The following TMEM184A variants were observed in gnomAD, a reference collection of about 807,000 sequenced individuals.
TMEM184A encodes sexually dimorphic, expressed in male gonads 1.
In TMEM184A, 40 loss-of-function variants were observed where a neutral mutation model predicts 39.5. The observed-to-expected ratio is 1.01, with a 90% CI of 0.79 to 1.32. The LOEUF (loss-of-function observed/expected upper bound fraction) is 1.32. TMEM184A is among the 40% of genes most tolerant of loss of function. TMEM184A has a pLI of 0.00. For synonymous variants in TMEM184A, 280 were observed against 252.3 expected (o/e 1.11, Z -1.04); for missense variants, 603 against 568.8 (o/e 1.06, Z -0.61).
At position 1,544,147 on chromosome 7, in the gene TMEM184A, C is replaced by G. The variant is rs1359046531; in HGVS notation, c.*2805G>C. 2 of 152,300 alleles carry G rather than the reference C, an allele frequency of 1.3e-5. No individual in the cohort carries two copies. The highest frequency in any genetic ancestry group is 1.5e-5 in the Non-Finnish European group (1 of 68,106). 9.4% of individuals were successfully genotyped at this position (152,300 alleles called of 1,614,324 possible). On this transcript the variant is annotated 3_prime_UTR_variant, in exon 9 of 9. Coordinates refer to ENST00000297477, the MANE Select transcript of TMEM184A (RefSeq NM_001097620.2). Reference sequence around the variant, plus strand: ...CTAAGTCAGACCTCCCTGCAGCCCACCCTGCGGCTCTGGGCCCAGCCTGCT... The same window carrying G: ...CTAAGTCAGACCTCCCTGCAGCCCAGCCTGCGGCTCTGGGCCCAGCCTGCT...
intron 6 of TMEM184A, chr7:1,549,163 A>C (rs890092747): frequency 2.2e-6 from 1 of 459,550 alleles, no homozygotes; most frequent in Non-Finnish European, 4.4e-6. Flanking sequence ...CGTGCATGTG[A>C]GTGTACATAC....
intron 7 of TMEM184A, 141 bp from the exon 8 acceptor site, chr7:1,548,080 T>C: frequency 1.0e-6 from 1 of 995,362 alleles, no homozygotes; most frequent in East Asian, 2.6e-5. Flanking sequence ...AGACTGAGGT[T>C]CAGGGGGGCA....
At chr7:1,548,486 C>T (rs763648309) in intron 7 of TMEM184A, 33 bp downstream of exon 7, 17 of 1,590,860 alleles carry the variant, frequency 1.1e-5, no homozygotes, top group African/African-American at 5.4e-5. Flanking sequence ...GCCCCCACCT[C>T]GGTAGCACCC....
rs368094344 is a variant in TMEM184A, at chr7:1,555,549, G to C, written c.1-65C>G. On this transcript the variant is annotated intron_variant, in intron 1 of 8. Coordinates refer to ENST00000297477, the MANE Select transcript of TMEM184A (RefSeq NM_001097620.2). This position sits in a 1 kb window ranked among gnomAD's most constrained non-coding sequence, Gnocchi z 5.2. ...GCAAAGGTACTGGCTCCCGGCAGCA[G>C]GAAGCAGCGGGGGAGGGAGGAGACA... 1.5e-5 allele frequency: 19 copies of C among 1,255,576 alleles called. 1 individual carries two copies. Among genetic ancestry groups the C allele is most frequent in the East Asian group, 1.4e-4 (6 of 43,142 alleles). 77.8% of individuals were successfully genotyped at this position (1,255,576 alleles called of 1,614,324 possible).
At chr7:1,552,948 G>A (rs182216742) in intron 2 of TMEM184A, among the ~76,000 whole-genome samples, 275 of 152,062 alleles carry the variant, frequency 1.8e-3, no homozygotes, top group African/African-American at 6.0e-3. Flanking sequence ...CCAGCTACTC[G>A]GGAGGCTGAG....
rs1784232378 is a variant in TMEM184A at position 1,542,913 on chromosome 7, T to C, written c.*4039A>G. ...CATGATATAAATTATTGAAAACAGA[T>C]CACATGTGGGCCCGTGTCTGGCCGC... On this transcript the variant is annotated 3_prime_UTR_variant, in exon 9 of 9. Coordinates refer to ENST00000297477, the MANE Select transcript of TMEM184A (RefSeq NM_001097620.2). 1.3e-5 allele frequency: 2 copies of C among 152,678 alleles called. No individual in the cohort carries two copies. Among genetic ancestry groups the C allele is most frequent in the Admixed American group, 1.3e-4 (2 of 15,286 alleles). 9.5% of individuals were successfully genotyped at this position (152,678 alleles called of 1,614,324 possible).
At chr7:1,553,079 G>T (rs1308903700) in intron 2 of TMEM184A, among the ~76,000 whole-genome samples, 2 of 152,092 alleles carry the variant, frequency 1.3e-5, no homozygotes, top group Non-Finnish European at 2.9e-5. Flanking sequence ...CTGGGAAAAA[G>T]TATGGGTGAT....
intron 3 of TMEM184A, 69 bp from the exon 4 acceptor site, chr7:1,550,464 C>A: frequency 1.5e-6 from 2 of 1,354,836 alleles, no homozygotes; most frequent in South Asian, 1.3e-5. Context: ...GCGCCCATCT[C>A]ACCAGGGCAG....
At position 1,555,439 on chromosome 7, in the gene TMEM184A, C is replaced by T; in HGVS notation, c.46G>A (p.Val16Met). ...GILETAGVPL[V>M]SANWPQPSPP... ...CTGGGCTGCGGCCAGTTCGCTGACA[C>T]CAGGGGGACGCCGGCTGTCTCCAGG... Residue 16 changes from valine to methionine, a missense_variant, in exon 2 of 9, where the codon GTG becomes ATG. Coordinates refer to ENST00000297477, the MANE Select transcript of TMEM184A (RefSeq NM_001097620.2). This position sits in a 1 kb window ranked among gnomAD's most constrained non-coding sequence, Gnocchi z 5.2. 1.9e-6 allele frequency: 3 copies of T among 1,610,702 alleles called. No homozygotes were observed. The highest frequency in any genetic ancestry group is 2.5e-6 in the Non-Finnish European group (3 of 1,179,734).
intron 6 of TMEM184A, chr7:1,549,262 C>T (rs990845545): frequency 1.3e-5 from 4 of 299,034 alleles, no homozygotes; most frequent in Non-Finnish European, 2.7e-5. Flanking sequence ...GCACAGGTGA[C>T]AGCACATGTG....
chr7:1,548,848 C>T (rs754871420), intron 6 of TMEM184A, 160 bp from the exon 7 acceptor site: 26 of 907,562 alleles, frequency 2.9e-5, no homozygotes, highest in South Asian at 2.8e-4. Flanking sequence ...ACTCCAGGGC[C>T]TGCAGGAGAG....
In TMEM184A at chr7:1,542,482, G is replaced by C. The variant is rs911312111; in HGVS notation, c.*4470C>G. The C allele has an allele frequency of 1.3e-5, 2 of 152,352 alleles. No homozygotes were observed. The highest frequency in any genetic ancestry group is 2.9e-5 in the Non-Finnish European group (2 of 68,084). 9.4% of individuals were successfully genotyped at this position (152,352 alleles called of 1,614,324 possible). A position where few individuals can be genotyped will look rare whatever the true frequency, so the allele number is the denominator to read the frequency against. On this transcript the variant is annotated 3_prime_UTR_variant, in exon 9 of 9. Coordinates refer to ENST00000297477, the MANE Select transcript of TMEM184A (RefSeq NM_001097620.2). ...GTTCTGTCCCGTCTTGGGGTTCTTG[G>C]TGTCCACGTCTTGTGGGCCGTGGGC...
rs185132635 is a variant in TMEM184A, at chr7:1,543,704, C to G, written c.*3248G>C. 6.6e-6 allele frequency: 1 copy of G among 152,614 alleles called. No individual in the cohort carries two copies. Among genetic ancestry groups the G allele is most frequent in the Admixed American group, 6.5e-5 (1 of 15,304 alleles). The allele number at this position is 152,614 out of a possible 1,614,324, so 9.5% of individuals were successfully genotyped here. ...AGTGCAGGGGCGTGATCACAGTTCA[C>G]TGCAGCCTCGACCTCCCAGGCTCAA... On this transcript the variant is annotated 3_prime_UTR_variant, in exon 9 of 9. Coordinates refer to ENST00000297477, the MANE Select transcript of TMEM184A (RefSeq NM_001097620.2).
chr7:1,548,683 C>T lies in TMEM184A; in HGVS notation c.650G>A (p.Arg217His), dbSNP rs201155082. The T allele has an allele frequency of 1.7e-4, 272 of 1,613,382 alleles. No homozygotes were observed. Among genetic ancestry groups the T allele is most frequent in the Non-Finnish European group, 1.8e-4 (216 of 1,179,840 alleles). ...GKYHDGDFNV[R>H]SGYLYVTLIY... ...GAGGGTCACATAGAGGTAGCCGCTG[C>T]GGACACTAGGACAGACGGGGGCTGT... is the stretch of plus-strand genomic sequence containing the variant. The change falls in exon 7 of 9, where the codon CGC becomes CAC. Residue 217 changes from arginine to histidine, a missense_variant. By Grantham distance (29) the Arg-to-His change is conservative. Transcript: ENST00000297477.
At position 1,545,785 on chromosome 7, in the gene TMEM184A, C is replaced by G. The variant is rs1328624347; in HGVS notation, c.*1167G>C. On this transcript the variant is annotated 3_prime_UTR_variant, in exon 9 of 9. Coordinates refer to ENST00000297477, the MANE Select transcript of TMEM184A (RefSeq NM_001097620.2). ...GCTACTGTTCTTGCGGCCGCGATTT[C>G]CGAGGCCACTTGCACGCCTCCAGCT... The G allele has an allele frequency of 6.6e-6, 1 of 152,508 alleles. No homozygotes were observed. Among genetic ancestry groups the G allele is most frequent in the Non-Finnish European group, 1.5e-5 (1 of 68,074 alleles). 9.4% of individuals were successfully genotyped at this position (152,508 alleles called of 1,614,324 possible).
rs979586537 is a variant in TMEM184A at position 1,547,086 on chromosome 7, C to CG, written c.1107dup (p.Ala370ArgfsTer54). ...GCCTGCTGCGTGTAGTGCTGGTAGG[C>CG]GGGGGAGAAGTTGTGGATGGCGTCC... On this transcript the variant is annotated frameshift_variant, in exon 9 of 9. Transcript: ENST00000297477. LOFTEE classifies it low-confidence loss of function (END_TRUNC). The CG allele has an allele frequency of 6.2e-7, 1 of 1,610,114 alleles. No individual in the cohort carries two copies. Among genetic ancestry groups the CG allele is most frequent in the African/African-American group, 1.3e-5 (1 of 74,826 alleles).
At position 1,545,186 on chromosome 7, in the gene TMEM184A, G is replaced by A. The variant is rs1262221541; in HGVS notation, c.*1766C>T. ...AGGTCCCTGGGGACCTGCTGACAGA[G>A]TGAGACACGGGGGCCGCCTGGTGGG... On this transcript the variant is annotated 3_prime_UTR_variant, in exon 9 of 9. Transcript: ENST00000297477. 2.0e-5 allele frequency: 3 copies of A among 152,244 alleles called. No homozygotes were observed. The highest frequency in any genetic ancestry group is 7.2e-5 in the African/African-American group (3 of 41,442). 9.4% of individuals were successfully genotyped at this position (152,244 alleles called of 1,614,324 possible). A position where few individuals can be genotyped will look rare whatever the true frequency, so the allele number is the denominator to read the frequency against.
chr7:1,550,063 GCTAGGGCC>G, intron 5 of TMEM184A, 52 bp downstream of exon 5: 1 of 1,575,032 alleles, frequency 6.3e-7, no homozygotes, highest in Non-Finnish European at 8.6e-7. Flanking sequence ...CGCTGGGCCG[GCTAGGGCC>G]CCTGACGGGC....
At chr7:1,552,344 A>C (rs565391022) in intron 2 of TMEM184A, among the ~76,000 whole-genome samples, 1 of 152,052 alleles carries the variant, frequency 6.6e-6, no homozygotes, top group Non-Finnish European at 1.5e-5. Context: ...GCGATGTCTG[A>C]TATGTGTGTT....
Sources: gnomAD v4.1 joint callset for allele counts (sites outside exome capture counted in the v4.1 genomes callset) on GRCh38, gnomAD v4.1.1 for gene constraint, Gnocchi (gnomAD v3.1) non-coding constraint, MANE v1.5 for transcripts, NCBI Gene and HGNC (gene_info 2026-07-23, HGNC 2026-07-21) for gene names.